The following LRRTM4 variants were observed in gnomAD, a reference collection of about 807,000 sequenced individuals.
LRRTM4 encodes leucine rich repeat transmembrane neuronal 4, also known as leucine-rich repeat transmembrane neuronal protein 4.
Under a neutral mutation model 47.6 loss-of-function variants are expected in LRRTM4, and 25 were observed. That is an observed-to-expected ratio of 0.53 (90% CI 0.38 to 0.73). The LOEUF is 0.73. Ranked by LOEUF, LRRTM4 falls within the 30% of genes least tolerant of loss-of-function variation. The pLI, the probability that LRRTM4 is intolerant of heterozygous loss-of-function variation, is 0.00. For missense variants in LRRTM4, 638 were observed against 713.4 expected (o/e 0.89, Z 1.20); for synonymous variants, 311 against 269.5 (o/e 1.15, Z -1.51).
intron 3 of LRRTM4, among the ~76,000 whole-genome samples, chr2:77,502,352 A>G (rs1678600804): frequency 6.6e-6 from 1 of 151,490 alleles, no homozygotes; most frequent in African/African-American, 2.4e-5. Context: ...AAAATGGCAT[A>G]TTAATGAACA....
chr2:76,916,413 GAA>G (rs1329508976), intron 3 of LRRTM4, among the ~76,000 whole-genome samples: 28 of 124,066 alleles, frequency 2.3e-4, no homozygotes, highest in African/African-American at 7.9e-4. Flanking sequence ...AAAAAGAAAA[GAA>G]AAAAAATATG....
At chr2:77,362,174 G>A (rs867833235) in intron 3 of LRRTM4, among the ~76,000 whole-genome samples, 916 of 78,834 alleles carry the variant, frequency 0.012, 9 homozygotes, top group African/African-American at 0.017. Context: ...AGAAAGAAAG[G>A]AAGGAAGGAA....
chr2:76,855,740 C>T lies in LRRTM4; in HGVS notation c.1552-106824G>A, dbSNP rs374108347. On this transcript the variant is annotated intron_variant, in intron 3 of 3. Transcript: ENST00000409884. The stretch of plus-strand genomic sequence containing the variant: ...AATTTACAGGAAGAGAAATCACTGT[C>T]CTGTAGGCATATTTCTGTATTGCAT... 4.7e-4 allele frequency among the ~76,000 whole-genome samples: 71 copies of T among 152,116 alleles called. No homozygotes were observed. The South Asian group carries it at 0.014, about 31-fold the overall frequency.
intron 3 of LRRTM4, among the ~76,000 whole-genome samples, chr2:77,115,105 C>T (rs1469513762): frequency 6.6e-6 from 1 of 152,082 alleles, no homozygotes; most frequent in African/African-American, 2.4e-5. Flanking sequence ...AGACCTAACC[C>T]CAGGAATGCA....
At chr2:77,261,097 G>A (rs543532937) in intron 3 of LRRTM4, among the ~76,000 whole-genome samples, 1 of 152,042 alleles carries the variant, frequency 6.6e-6, no homozygotes, top group South Asian at 2.1e-4. Flanking sequence ...TTCCTCTAGA[G>A]AAAGGATTGA....
chr2:77,318,000 CTTTTTT>C (rs61212194), intron 3 of LRRTM4, among the ~76,000 whole-genome samples: 38 of 99,788 alleles, frequency 3.8e-4, no homozygotes, highest in African/African-American at 1.4e-3. Context: ...ATTCCTAACA[CTTTTTT>C]TTTTTTTTTT....
chr2:77,322,621 C>A (rs967084976), intron 3 of LRRTM4, among the ~76,000 whole-genome samples: 3 of 151,676 alleles, frequency 2.0e-5, no homozygotes, highest in Admixed American at 2.0e-4. Context: ...ACTGCTTCTG[C>A]CAGGAACACT....
intron 3 of LRRTM4, among the ~76,000 whole-genome samples, chr2:77,007,480 G>C (rs778841871): frequency 6.6e-6 from 1 of 152,132 alleles, no homozygotes. Context: ...GGAAAGCAAT[G>C]AAAGTCTATA....
chr2:77,096,118 A>G (rs1044388404), intron 3 of LRRTM4, among the ~76,000 whole-genome samples: 1 of 151,920 alleles, frequency 6.6e-6, no homozygotes, highest in Non-Finnish European at 1.5e-5. Flanking sequence ...AGATCAAATC[A>G]TCATATTATA....
rs1672532272 is a variant in LRRTM4, at chr2:77,155,333, T to C, written c.1551+362985A>G. Reference sequence around the variant, plus strand: ...AAGTAAGATACTGATAGTCATTGGATTATAAAGAAAAAAATAGAATTTTTA... The same window carrying C: ...AAGTAAGATACTGATAGTCATTGGACTATAAAGAAAAAAATAGAATTTTTA... On this transcript the variant is annotated intron_variant, in intron 3 of 3. Transcript: ENST00000409884. Among the ~76,000 whole-genome samples the C allele has an allele frequency of 2.0e-5, 3 of 152,012 alleles. No homozygotes were observed. In the East Asian group the frequency reaches 5.8e-4, roughly 29 times the overall value.
At chr2:77,141,463 G>A (rs1672119732) in intron 3 of LRRTM4, among the ~76,000 whole-genome samples, 1 of 129,560 alleles carries the variant, frequency 7.7e-6, no homozygotes, top group African/African-American at 2.9e-5. Context: ...ACACACCGTG[G>A]CCTGTCATGG....
chr2:76,903,974 T>C (rs1573288218), intron 3 of LRRTM4, among the ~76,000 whole-genome samples: 1 of 152,238 alleles, frequency 6.6e-6, no homozygotes, highest in South Asian at 2.1e-4. Context: ...TTAGTGACTA[T>C]TCTTCAACTG....
chr2:77,471,053 T>A (rs1677170897), intron 3 of LRRTM4, among the ~76,000 whole-genome samples: 1 of 152,154 alleles, frequency 6.6e-6, no homozygotes, highest in Admixed American at 6.6e-5. Context: ...TCTATCTATC[T>A]ATATCTAGTT....
At chr2:77,288,611 A>T (rs1433348965) in intron 3 of LRRTM4, among the ~76,000 whole-genome samples, 1 of 152,148 alleles carries the variant, frequency 6.6e-6, no homozygotes, top group African/African-American at 2.4e-5. Context: ...CTATAAAGAT[A>T]TAATTCATAA....
At chr2:77,511,628 TTTA>T (rs1252067838) in intron 3 of LRRTM4, among the ~76,000 whole-genome samples, 2 of 151,990 alleles carry the variant, frequency 1.3e-5, no homozygotes, top group African/African-American at 2.4e-5. Flanking sequence ...GGTTATGGTA[TTTA>T]TTATTATTGT....
chr2:77,385,741 CTTTTTTTTTTTTT>C (rs33978835), intron 3 of LRRTM4, among the ~76,000 whole-genome samples: 1 of 82,298 alleles, frequency 1.2e-5, no homozygotes, highest in African/African-American at 5.1e-5. Flanking sequence ...GTACATGGTA[CTTTTTTTTTTTTT>C]TTTTTTTTTT....
At chr2:77,383,402 T>C (rs1673137609) in intron 3 of LRRTM4, among the ~76,000 whole-genome samples, 1 of 152,010 alleles carries the variant, frequency 6.6e-6, no homozygotes, top group Non-Finnish European at 1.5e-5. Flanking sequence ...TTTCTTCTAC[T>C]AAGGCCTTTC....
chr2:77,061,212 T>C (rs1471176497), intron 3 of LRRTM4, among the ~76,000 whole-genome samples: 1 of 152,224 alleles, frequency 6.6e-6, no homozygotes, highest in African/African-American at 2.4e-5. Flanking sequence ...TAATTGAATA[T>C]CCTTTAGAGT....
At chr2:76,846,906 A>G (rs1016454479) in intron 3 of LRRTM4, among the ~76,000 whole-genome samples, 1 of 152,204 alleles carries the variant, frequency 6.6e-6, no homozygotes, top group Non-Finnish European at 1.5e-5. Context: ...AAAAGGTCAT[A>G]TGATAAATAC....
Sources: gnomAD v4.1 joint callset for allele counts (sites outside exome capture counted in the v4.1 genomes callset) on GRCh38, gnomAD v4.1.1 for gene constraint, MANE v1.5 for transcripts, NCBI Gene and HGNC (gene_info 2026-07-23, HGNC 2026-07-21) for gene names.